SLC35D1: variants seen among roughly 807,000 people sequenced by gnomAD.
SLC35D1 encodes nucleotide sugar transporter SLC35D1.
In SLC35D1, 31 loss-of-function variants were observed where a neutral mutation model predicts 46.7. The observed-to-expected ratio is 0.66, with a 90% CI of 0.50 to 0.90. SLC35D1 has a LOEUF of 0.90. SLC35D1 is among the 40% of genes least tolerant of loss of function. The probability of loss-of-function intolerance (pLI) is 0.00; values close to 1 mark genes in which losing one functional copy is unlikely to be tolerated. For missense variants in SLC35D1, 397 were observed against 426.2 expected, an observed-to-expected ratio of 0.93 and a Z score of 0.60; for synonymous variants, 195 against 164.6, an observed-to-expected ratio of 1.18 and a Z score of -1.41.
intron 11 of SLC35D1, among the ~76,000 whole-genome samples, chr1:67,005,381 G>T (rs188539392): frequency 4.7e-4 from 71 of 152,346 alleles, no homozygotes; most frequent in Admixed American, 1.0e-3. Flanking sequence ...CTGCAGAAGG[G>T]TGAGAGACGC....
In SLC35D1 at chr1:67,032,087, G is replaced by T. The variant is rs112189750; in HGVS notation, c.729+10149C>A. 9.2e-4 allele frequency: 903 copies of T among 985,366 alleles called. 9 individuals carry two copies. In the African/African-American group the frequency reaches 0.012, roughly 13 times the overall value. 61.0% of individuals were successfully genotyped at this position (985,366 alleles called of 1,614,324 possible). ...TCTGCCACAAGGCCTGGAATCTTCG[G>T]TCTTGGCTGACTGGTAGCTGTGATT... is the stretch of plus-strand genomic sequence containing the variant. On this transcript the variant is annotated intron_variant, in intron 8 of 11. Transcript: ENST00000235345.
At chr1:67,047,030 C>G (rs1413942680) in intron 7 of SLC35D1, among the ~76,000 whole-genome samples, 1 of 152,186 alleles carries the variant, frequency 6.6e-6, no homozygotes, top group East Asian at 1.9e-4. Context: ...TTCCCTACCC[C>G]ACACGAAGTC....
chr1:67,009,995 A>G (rs933524040), intron 10 of SLC35D1, among the ~76,000 whole-genome samples: 9 of 152,216 alleles, frequency 5.9e-5, no homozygotes, highest in Non-Finnish European at 1.2e-4. Flanking sequence ...CATGGAATAC[A>G]ATGCAGCCAT....
In SLC35D1 at chr1:67,053,944, G is replaced by T; in HGVS notation, c.70C>A (p.Arg24=). The T allele has an allele frequency of 6.2e-7, 1 of 1,613,708 alleles. No homozygotes were observed. Among genetic ancestry groups the T allele is most frequent in the Non-Finnish European group, 8.5e-7 (1 of 1,179,708 alleles). The change falls in exon 1 of 12, where the codon CGA becomes AGA. Residue 24 remains arginine (R), a synonymous_variant. Transcript: ENST00000235345. ...GCCATCCCCAGCTCCTCCTCATCTC[G>T]GAGTGTGGAGGATTTCGCGGGGGCT... ...GEAPAKSSTL[R]DEEELGMASA... is the part of the protein sequence containing the mutation.
At chr1:67,053,624 C>G (rs1467147573) in intron 1 of SLC35D1, among the ~76,000 whole-genome samples, 187 bp downstream of exon 1, 1 of 151,942 alleles carries the variant, frequency 6.6e-6, no homozygotes, top group African/African-American at 2.4e-5. Context: ...CGGACCCCTG[C>G]CACAGGCCCG....
intron 7 of SLC35D1, among the ~76,000 whole-genome samples, chr1:67,045,174 G>A (rs2815380): frequency 0.69 from 104,916 of 152,084 alleles, 36,439 homozygotes; most frequent in African/African-American, 0.77. Flanking sequence ...CAAACAGCAA[G>A]AACTTAAATG....
intron 8 of SLC35D1, among the ~76,000 whole-genome samples, chr1:67,033,395 T>G (rs1668057800): frequency 6.6e-6 from 1 of 152,212 alleles, no homozygotes; most frequent in Non-Finnish European, 1.5e-5. Context: ...CATTTGTTAT[T>G]GCCTGACTTT....
intron 2 of SLC35D1, 34 bp from the exon 3 acceptor site, chr1:67,052,891 C>T: frequency 6.2e-7 from 1 of 1,613,810 alleles, no homozygotes; most frequent in Admixed American, 1.7e-5. Flanking sequence ...CACTGTTCTA[C>T]ACATAAAGAC....
chr1:66,981,907 C>A, the SLC35D1 span: 35 of 1,613,574 alleles, frequency 2.2e-5, no homozygotes, highest in Admixed American at 5.7e-4. Flanking sequence ...GTAAGCACTG[C>A]TAATCAAAAT....
chr1:66,991,502 T>C, the SLC35D1 span, among the ~76,000 whole-genome samples: 2 of 152,250 alleles, frequency 1.3e-5, no homozygotes, highest in Admixed American at 6.5e-5. Context: ...TCATCACCTA[T>C]GTGACAAACT....
At chr1:67,028,874 T>C (rs1667965884) in intron 8 of SLC35D1, among the ~76,000 whole-genome samples, 1 of 152,212 alleles carries the variant, frequency 6.6e-6, no homozygotes, top group Admixed American at 6.5e-5. Flanking sequence ...AATTCAGATA[T>C]TTTTCATCCC....
At chr1:66,984,319 TATTTA>T in the SLC35D1 span, among the ~76,000 whole-genome samples, 1 of 152,230 alleles carries the variant, frequency 6.6e-6, no homozygotes, top group African/African-American at 2.4e-5. Flanking sequence ...TTTATTAACT[TATTTA>T]ATTTTCACAA....
chr1:66,995,522 TG>T (rs1667230785), downstream of SLC35D1, among the ~76,000 whole-genome samples: 1 of 124,620 alleles, frequency 8.0e-6, no homozygotes, highest in Non-Finnish European at 1.6e-5. Context: ...TGAAGTGCTA[TG>T]GGGATGAAAT....
chr1:66,975,476 G>A, the SLC35D1 span, among the ~76,000 whole-genome samples: 1 of 151,900 alleles, frequency 6.6e-6, no homozygotes, highest in Admixed American at 6.6e-5. Flanking sequence ...GCAGTTAGCG[G>A]TTTGGTGCCA....
At chr1:67,034,117 G>T (rs1668076966) in intron 8 of SLC35D1, among the ~76,000 whole-genome samples, 1 of 152,160 alleles carries the variant, frequency 6.6e-6, no homozygotes, top group Non-Finnish European at 1.5e-5. Context: ...TTTGAAGTCA[G>T]GTAATGTGAT....
At chr1:67,012,527 T>A (rs1462235204) in intron 10 of SLC35D1, among the ~76,000 whole-genome samples, 1 of 110,078 alleles carries the variant, frequency 9.1e-6, no homozygotes, top group Non-Finnish European at 1.8e-5. Context: ...ATGGATCCTT[T>A]AAATTAGACT....
chr1:66,976,465 G>C, the SLC35D1 span: 2 of 704,934 alleles, frequency 2.8e-6, no homozygotes, highest in Non-Finnish European at 4.5e-6. Flanking sequence ...CTGCTACACT[G>C]TTGTATGTTA....
At chr1:66,993,766 C>T in the SLC35D1 span, among the ~76,000 whole-genome samples, 1 of 152,110 alleles carries the variant, frequency 6.6e-6, no homozygotes, top group Non-Finnish European at 1.5e-5. Flanking sequence ...TGTGTCAATA[C>T]ACAAGGTGCT....
At chr1:67,018,266 G>C (rs562823455) in intron 10 of SLC35D1, among the ~76,000 whole-genome samples, 70 of 152,232 alleles carry the variant, frequency 4.6e-4, no homozygotes, top group African/African-American at 1.6e-3. Flanking sequence ...AGGCTAGCAG[G>C]CAACTTAGGA....
Sources: allele counts gnomAD v4.1 joint callset (sites outside exome capture counted in the v4.1 genomes callset), GRCh38; gene constraint gnomAD v4.1.1; transcripts MANE v1.5; gene names NCBI Gene and HGNC (gene_info 2026-07-23, HGNC 2026-07-21).